Variants in LRP1B observed in about 807,000 individuals in gnomAD.
LRP1B encodes low-density lipoprotein receptor-related protein 1B.
In LRP1B, 217 loss-of-function variants were observed where a neutral mutation model predicts 556.6. That is an observed-to-expected ratio of 0.39 (90% CI 0.35 to 0.44). The LOEUF is 0.44. Ranked by LOEUF, LRP1B falls within the 20% of genes least tolerant of loss-of-function variation. The pLI is 1.00. For synonymous variants in LRP1B, 2,047 were observed against 1,865.8 expected (o/e 1.10, Z -2.50); for missense variants, 5,053 against 5,620.8 (o/e 0.90, Z 3.23).
intron 23 of LRP1B, among the ~76,000 whole-genome samples, chr2:140,897,301 C>G (rs1311702347): frequency 6.6e-6 from 1 of 152,058 alleles, no homozygotes; most frequent in Non-Finnish European, 1.5e-5. Flanking sequence ...TCTCCCTGAC[C>G]CTCTCCTACC....
At chr2:141,119,925 A>G (rs1190454298) in intron 7 of LRP1B, among the ~76,000 whole-genome samples, 3 of 151,888 alleles carry the variant, frequency 2.0e-5, no homozygotes, top group Non-Finnish European at 4.4e-5. Context: ...CATAATAATC[A>G]TATGTTGTAT....
At chr2:141,785,090 G>T (rs1274714135) in intron 2 of LRP1B, among the ~76,000 whole-genome samples, 1 of 151,834 alleles carries the variant, frequency 6.6e-6, no homozygotes, top group Non-Finnish European at 1.5e-5. Flanking sequence ...ACCTTTCTCA[G>T]CACCTTTGCT....
intron 5 of LRP1B, among the ~76,000 whole-genome samples, chr2:141,241,222 TA>T (rs1455407229): frequency 2.0e-5 from 3 of 152,100 alleles, no homozygotes; most frequent in Non-Finnish European, 2.9e-5. Flanking sequence ...AGAAAAGATG[TA>T]GAGTAAAAAT....
At chr2:141,888,190 G>A (rs1429101185) in intron 1 of LRP1B, among the ~76,000 whole-genome samples, 1 of 152,142 alleles carries the variant, frequency 6.6e-6, no homozygotes, top group African/African-American at 2.4e-5. Flanking sequence ...CAGGTAAGAA[G>A]CTTCCTCAGG....
intron 2 of LRP1B, among the ~76,000 whole-genome samples, chr2:141,744,679 G>A (rs62168666): frequency 0.081 from 12,322 of 152,094 alleles, 577 homozygotes; most frequent in South Asian, 0.13. Flanking sequence ...CTGTCTCTCC[G>A]GGATTGGACT....
At chr2:141,510,303 A>C (rs1684080607) in intron 2 of LRP1B, among the ~76,000 whole-genome samples, 1 of 151,800 alleles carries the variant, frequency 6.6e-6, no homozygotes, top group South Asian at 2.1e-4. Context: ...ATACATACGA[A>C]ATTTAATAAC....
intron 32 of LRP1B, among the ~76,000 whole-genome samples, chr2:140,793,248 T>C (rs996181456): frequency 6.6e-6 from 1 of 152,048 alleles, no homozygotes; most frequent in Non-Finnish European, 1.5e-5. Flanking sequence ...ACATTAGCAT[T>C]AATGTTATAT....
chr2:141,546,299 C>T (rs971611070), intron 2 of LRP1B, among the ~76,000 whole-genome samples: 10 of 152,132 alleles, frequency 6.6e-5, no homozygotes, highest in African/African-American at 2.2e-4. Flanking sequence ...GATGAGGTAA[C>T]TCATGCTCAG....
intron 35 of LRP1B, among the ~76,000 whole-genome samples, chr2:140,729,758 A>G (rs1257660663): frequency 1.3e-5 from 2 of 152,186 alleles, no homozygotes; most frequent in Admixed American, 6.5e-5. Context: ...TTCTCAACCT[A>G]TATTGGGGGT....
At chr2:141,121,745 A>C (rs1204733636) in intron 7 of LRP1B, among the ~76,000 whole-genome samples, 1 of 151,582 alleles carries the variant, frequency 6.6e-6, no homozygotes, top group African/African-American at 2.4e-5. Context: ...ATTGGGAAAA[A>C]AACTACTTTA....
intron 6 of LRP1B, among the ~76,000 whole-genome samples, chr2:141,202,361 G>T (rs1682069105): frequency 6.6e-6 from 1 of 152,156 alleles, no homozygotes. Context: ...ATTGTGAATA[G>T]TTCTGCAATT....
At chr2:140,729,838 A>G (rs542595738) in intron 35 of LRP1B, among the ~76,000 whole-genome samples, 7 of 152,346 alleles carry the variant, frequency 4.6e-5, no homozygotes, top group African/African-American at 1.7e-4. Flanking sequence ...TTTCAGATAT[A>G]CATACACAGA....
At chr2:141,685,584 TAAG>T (rs1691265108) in intron 2 of LRP1B, among the ~76,000 whole-genome samples, 1 of 152,042 alleles carries the variant, frequency 6.6e-6, no homozygotes, top group African/African-American at 2.4e-5. Context: ...GATTTTATTA[TAAG>T]AAGATTATCC....
At chr2:141,970,318 CCATT>C (rs140167518) in intron 1 of LRP1B, among the ~76,000 whole-genome samples, 4,508 of 151,448 alleles carry the variant, frequency 0.03, 212 homozygotes, top group African/African-American at 0.1. Flanking sequence ...ACCAATGTAT[CCATT>C]ATTTTAGATC....
chr2:140,829,070 A>G (rs985659933), intron 31 of LRP1B, among the ~76,000 whole-genome samples: 7 of 152,180 alleles, frequency 4.6e-5, no homozygotes, highest in Admixed American at 3.9e-4. Context: ...TTAATTCAGT[A>G]GTAGGATTTA....
chr2:141,547,077 G>C (rs1225447853), intron 2 of LRP1B, among the ~76,000 whole-genome samples: 2 of 152,082 alleles, frequency 1.3e-5, no homozygotes, highest in African/African-American at 4.8e-5. Flanking sequence ...TATTGTCGTA[G>C]GTAAACATTC....
chr2:140,383,413 T>C (rs1683623352), intron 67 of LRP1B, among the ~76,000 whole-genome samples: 1 of 152,068 alleles, frequency 6.6e-6, no homozygotes, highest in Non-Finnish European at 1.5e-5. Context: ...TGTTTCTATA[T>C]GACTAATATT....
chr2:141,865,442 A>C (rs1233991680), intron 1 of LRP1B, among the ~76,000 whole-genome samples: 1 of 150,902 alleles, frequency 6.6e-6, no homozygotes, highest in African/African-American at 2.4e-5. Flanking sequence ...AATACAAAAA[A>C]TTAGCCGGGC....
At chr2:141,224,470 T>C (rs1573677503) in intron 6 of LRP1B, among the ~76,000 whole-genome samples, 1 of 152,264 alleles carries the variant, frequency 6.6e-6, no homozygotes, top group Middle Eastern at 3.4e-3. Context: ...GACCCGGCAA[T>C]CCCATTACTG....
Sources: allele counts gnomAD v4.1 joint callset (sites outside exome capture counted in the v4.1 genomes callset), GRCh38; gene constraint gnomAD v4.1.1; transcripts MANE v1.5; gene names NCBI Gene and HGNC (gene_info 2026-07-23, HGNC 2026-07-21).